Variants in TMEM184B observed in about 807,000 individuals in gnomAD.
TMEM184B encodes the protein transmembrane protein 184B.
Under a neutral mutation model 41.8 loss-of-function variants are expected in TMEM184B, and 17 were observed. The ratio of observed to expected loss-of-function variants is 0.41; its 90% CI spans 0.28 to 0.61. The LOEUF is 0.61. TMEM184B is among the 20% of genes least tolerant of loss of function. The probability of loss-of-function intolerance (pLI) is 0.34; values close to 1 mark genes in which losing one functional copy is unlikely to be tolerated. For synonymous variants in TMEM184B, 240 were observed against 229.5 expected (o/e 1.05, Z -0.41); for missense variants, 393 against 557.8 (o/e 0.70, Z 2.98).
chr22:38,265,279 C>A (rs537954555), intron 1 of TMEM184B, among the ~76,000 whole-genome samples: 24 of 152,192 alleles, frequency 1.6e-4, no homozygotes, highest in Non-Finnish European at 2.9e-4. Context: ...TACCCTTGTT[C>A]CAGAGAGCAC....
chr22:38,264,517 C>A (rs2092417027), intron 1 of TMEM184B, among the ~76,000 whole-genome samples: 1 of 152,306 alleles, frequency 6.6e-6, no homozygotes, highest in East Asian at 1.9e-4. Flanking sequence ...GCAGGGGACA[C>A]CACAGCCATG....
downstream of TMEM184B, among the ~76,000 whole-genome samples, chr22:38,217,962 C>T (rs2091170903): frequency 6.6e-6 from 1 of 152,138 alleles, no homozygotes; most frequent in Admixed American, 6.5e-5. Flanking sequence ...GACACAGACC[C>T]TGTCTCAAAA....
At chr22:38,261,543 C>G (rs948134754) in intron 1 of TMEM184B, among the ~76,000 whole-genome samples, 1 of 152,176 alleles carries the variant, frequency 6.6e-6, no homozygotes, top group Non-Finnish European at 1.5e-5. Context: ...AGTCCCTCAG[C>G]GAGGGCTTAC....
intron 3 of TMEM184B, among the ~76,000 whole-genome samples, chr22:38,237,216 C>T (rs966829937): frequency 3.3e-5 from 5 of 152,200 alleles, no homozygotes; most frequent in East Asian, 1.9e-4. Context: ...GAGTTATCCC[C>T]GCTTACAGAT....
Position 38,225,001 on chromosome 22 carries a change from T to C in TMEM184B, c.788-22A>G, listed in dbSNP as rs6001057. ...ATGCCTGGATGGGGAGGCACGGGTG[T>C]CTGGACCCAGAATGATTCCTTTCCT... On this transcript the variant is annotated intron_variant, in intron 7 of 8. Coordinates refer to ENST00000361906, the MANE Select transcript of TMEM184B (RefSeq NM_012264.5). The surrounding 1 kb of genome is among the most constrained non-coding windows in gnomAD (Gnocchi z 4.4). 1.1e-4 allele frequency: 167 copies of C among 1,528,788 alleles called. No individual in the cohort carries two copies. Among genetic ancestry groups the C allele is most frequent in the Non-Finnish European group, 1.4e-4 (160 of 1,137,384 alleles). 94.7% of individuals were successfully genotyped at this position (1,528,788 alleles called of 1,614,324 possible).
intron 3 of TMEM184B, among the ~76,000 whole-genome samples, chr22:38,235,132 A>C (rs2091741168): frequency 6.6e-6 from 1 of 152,194 alleles, no homozygotes; most frequent in Admixed American, 6.5e-5. Context: ...ACGTACATGG[A>C]CCATCTCCCC....
At chr22:38,272,531 G>A (rs564203641) in intron 1 of TMEM184B, 3 of 985,782 alleles carry the variant, frequency 3.0e-6, no homozygotes, top group Admixed American at 6.1e-5. Flanking sequence ...CACCCACCCG[G>A]GAGCACACAA....
Position 38,225,050 on chromosome 22 carries a change from C to T in TMEM184B, c.788-71G>A, listed in dbSNP as rs2091390126. 2.1e-6 allele frequency: 3 copies of T among 1,449,036 alleles called. No individual in the cohort carries two copies. The highest frequency in any genetic ancestry group is 4.4e-5 in the Admixed American group (2 of 45,386). 89.8% of individuals were successfully genotyped at this position (1,449,036 alleles called of 1,614,324 possible). ...CTGCTCCCCCTTCTTCCACAATGCC[C>T]CATTCAGCTGCCCACATGCCCCAGT... On this transcript the variant is annotated intron_variant, in intron 7 of 8. Coordinates refer to ENST00000361906, the MANE Select transcript of TMEM184B (RefSeq NM_012264.5). The surrounding 1 kb of genome is among the most constrained non-coding windows in gnomAD (Gnocchi z 4.4).
chr22:38,267,712 T>C (rs2092464241), intron 1 of TMEM184B, among the ~76,000 whole-genome samples: 1 of 152,108 alleles, frequency 6.6e-6, no homozygotes, highest in African/African-American at 2.4e-5. Flanking sequence ...GGATTACAGG[T>C]GTGAGCCACC....
intron 3 of TMEM184B, among the ~76,000 whole-genome samples, chr22:38,233,097 T>G (rs1045622059): frequency 1.3e-5 from 2 of 152,206 alleles, no homozygotes; most frequent in African/African-American, 4.8e-5. Context: ...AACTGGAGCG[T>G]GGAAAGCCCT....
rs964437463 is a variant in TMEM184B, at chr22:38,221,262, G to A, written c.*207C>T. On this transcript the variant is annotated 3_prime_UTR_variant, in exon 9 of 9. Coordinates refer to ENST00000361906, the MANE Select transcript of TMEM184B (RefSeq NM_012264.5). The stretch of plus-strand genomic sequence containing the variant: ...GCCCTCGCCCGGGCAGTGCAGGCTG[G>A]GCCATGTATAAATATTCCTGAAGGC... 10 of 1,424,358 alleles carry A rather than the reference G, an allele frequency of 7.0e-6. No individual in the cohort carries two copies. Among genetic ancestry groups the A allele is most frequent in the Non-Finnish European group, 9.1e-6 (10 of 1,093,994 alleles). 88.2% of individuals were successfully genotyped at this position (1,424,358 alleles called of 1,614,324 possible).
At chr22:38,252,234 A>C (rs901253330) in intron 1 of TMEM184B, among the ~76,000 whole-genome samples, 4 of 151,714 alleles carry the variant, frequency 2.6e-5, no homozygotes, top group East Asian at 1.9e-4. Context: ...TAATTTTTGT[A>C]TTTTTTTGGA....
intron 8 of TMEM184B, 61 bp downstream of exon 8, chr22:38,224,724 C>A: frequency 1.3e-6 from 2 of 1,505,048 alleles, no homozygotes; most frequent in Non-Finnish European, 1.8e-6. Context: ...TGGGAGGGTC[C>A]TGGGATGTTT....
intron 1 of TMEM184B, among the ~76,000 whole-genome samples, chr22:38,260,627 G>C (rs377485066): frequency 6.6e-6 from 1 of 152,042 alleles, no homozygotes; most frequent in African/African-American, 2.4e-5. Flanking sequence ...CTATAAAATG[G>C]GGAAGCAGCC....
chr22:38,251,242 TGGG>T, intron 1 of TMEM184B, among the ~76,000 whole-genome samples: 1 of 152,212 alleles, frequency 6.6e-6, no homozygotes, highest in Non-Finnish European at 1.5e-5. Context: ...ATTTTACTCT[TGGG>T]CAACCCCGGT....
In TMEM184B at chr22:38,247,886, C is replaced by T. The variant is rs779807086; in HGVS notation, c.76G>A (p.Val26Met). The change falls in exon 2 of 9, where the codon GTG (valine) becomes ATG (methionine). Residue 26 changes from valine (V) to methionine (M), a missense_variant. This residue lies in a region of TMEM184B where 122 missense variants were observed against 123.7 expected (regional missense o/e 0.99). Coordinates refer to ENST00000361906, the MANE Select transcript of TMEM184B (RefSeq NM_012264.5). ...GCAGTGGGGCTGCCCTCGGGGATCA[C>T]GGAGACGCTGGGCGAGGCTGCTGCG... ...TTAAASPSVS[V>M]IPEGSPTAME... is the part of the protein sequence containing the mutation. 72 of 1,611,234 alleles carry T rather than the reference C, an allele frequency of 4.5e-5. No individual in the cohort carries two copies. The highest frequency in any genetic ancestry group is 1.7e-4 in the Middle Eastern group (1 of 6,054).
chr22:38,255,451 C>T (rs140804399), intron 1 of TMEM184B, among the ~76,000 whole-genome samples: 1 of 152,354 alleles, frequency 6.6e-6, no homozygotes, highest in African/African-American at 2.4e-5. Context: ...GGATTACAGG[C>T]GTGAGCCACC....
chr22:38,240,018 G>A (rs948975897), intron 3 of TMEM184B, among the ~76,000 whole-genome samples: 1 of 151,818 alleles, frequency 6.6e-6, no homozygotes, highest in Non-Finnish European at 1.5e-5. Context: ...GCAGTGGCAC[G>A]ATCACAGCTC....
chr22:38,259,450 G>C (rs1460536536), intron 1 of TMEM184B, among the ~76,000 whole-genome samples: 1 of 152,204 alleles, frequency 6.6e-6, no homozygotes, highest in Non-Finnish European at 1.5e-5. Flanking sequence ...TCATCACAAG[G>C]GTCCTCGTAG....
Sources: gnomAD v4.1 joint callset for allele counts (sites outside exome capture counted in the v4.1 genomes callset) on GRCh38, gnomAD v4.1.1 for gene constraint, gnomAD v4.1.1 regional missense constraint, Gnocchi (gnomAD v3.1) non-coding constraint, MANE v1.5 for transcripts, NCBI Gene and HGNC (gene_info 2026-07-23, HGNC 2026-07-21) for gene names.